The following PREPL variants were observed in gnomAD, a reference collection of about 807,000 sequenced individuals.
PREPL encodes prolyl endopeptidase-like.
A neutral mutation model predicts 70.6 loss-of-function variants in PREPL; 77 were observed. The observed-to-expected ratio is 1.09, with a 90% CI of 0.91 to 1.32. The LOEUF is 1.32. Among genes scored for constraint, PREPL ranks in the 40% most tolerant of loss-of-function variants. PREPL has a pLI of 0.00. For synonymous variants in PREPL, 315 were observed against 264.8 expected, an observed-to-expected ratio of 1.19 and a Z score of -1.84; for missense variants, 1,002 against 778.2, an observed-to-expected ratio of 1.29 and a Z score of -3.42.
chr2:44,343,824 A>C lies in PREPL; in HGVS notation c.270T>G (p.Ser90=). The change falls in exon 4 of 14, where the codon TCT becomes TCG. Residue 90 remains serine, a synonymous_variant. Coordinates refer to ENST00000409411, the MANE Select transcript of PREPL (RefSeq NM_001171613.2). ...TTATAATTACACAGGTAGATGCTTC[A>C]GAATCTTCAGTTCTTATCTTGGCAG... is the stretch of plus-strand genomic sequence containing the variant. ...YVAAKIRTED[S]EASTCVIIKL... The C allele has an allele frequency of 5.6e-6, 9 of 1,613,992 alleles. No homozygotes were observed. Among genetic ancestry groups the C allele is most frequent in the Non-Finnish European group, 6.8e-6 (8 of 1,179,842 alleles).
At chr2:44,359,323 GTA>G (rs1677404663) in intron 1 of PREPL, among the ~76,000 whole-genome samples, 1 of 151,946 alleles carries the variant, frequency 6.6e-6, no homozygotes, top group Non-Finnish European at 1.5e-5. Context: ...CTGCCTCGAT[GTA>G]TATACTCTTT....
In PREPL at chr2:44,320,675, A is replaced by C. The variant is rs1672859562; in HGVS notation, c.*681T>G. ...GAAGAGATGAAGACACTGGCATTTCAGTGGGATTGTAAGCATTTGTAATAG... is the reference window on the plus strand; with the variant it reads ...GAAGAGATGAAGACACTGGCATTTCCGTGGGATTGTAAGCATTTGTAATAG... On this transcript the variant is annotated 3_prime_UTR_variant, in exon 14 of 14. Transcript: ENST00000409411. 5 of 1,528,726 alleles carry C rather than the reference A, an allele frequency of 3.3e-6. No individual in the cohort carries two copies. The South Asian group carries it at 5.6e-5, about 17-fold the overall frequency. The allele number at this position is 1,528,726 out of a possible 1,614,324, so 94.7% of individuals were successfully genotyped here.
At chr2:44,338,640 T>G in intron 6 of PREPL, 104 bp from the exon 7 acceptor site, 1 of 944,140 alleles carries the variant, frequency 1.1e-6, no homozygotes, top group Non-Finnish European at 1.6e-6. Flanking sequence ...CCTCACTGTT[T>G]TATGAAGAGC....
intron 8 of PREPL, among the ~76,000 whole-genome samples, chr2:44,331,295 A>G (rs184684800): frequency 0.012 from 1,891 of 151,784 alleles, 24 homozygotes; most frequent in Non-Finnish European, 0.019. Context: ...GCTCACTGCA[A>G]CCTCTGCCTC....
At chr2:44,331,731 T>C (rs1674114173) in intron 8 of PREPL, among the ~76,000 whole-genome samples, 1 of 152,158 alleles carries the variant, frequency 6.6e-6, no homozygotes. Context: ...AGTCAGTACA[T>C]TATTAATGAC....
chr2:44,356,556 CAA>C (rs1677068642), intron 1 of PREPL, among the ~76,000 whole-genome samples: 2 of 150,374 alleles, frequency 1.3e-5, no homozygotes, highest in Non-Finnish European at 2.9e-5. Context: ...AACAAACAAA[CAA>C]ACAAACAAAC....
chr2:44,345,832 T>G (rs1013630696), intron 2 of PREPL, among the ~76,000 whole-genome samples: 1 of 152,132 alleles, frequency 6.6e-6, no homozygotes, highest in Non-Finnish European at 1.5e-5. Flanking sequence ...AACTTCTCCT[T>G]AGAATGATTA....
In PREPL at chr2:44,320,168, CACTT is replaced by C. The variant is rs745463872; in HGVS notation, c.*1184_*1187del. The C allele has an allele frequency of 1.4e-5, 21 of 1,530,044 alleles. No individual in the cohort carries two copies. Among genetic ancestry groups the C allele is most frequent in the Admixed American group, 3.4e-5 (2 of 59,114 alleles). 94.8% of individuals were successfully genotyped at this position (1,530,044 alleles called of 1,614,324 possible). A position where few individuals can be genotyped will look rare whatever the true frequency, so the allele number is the denominator to read the frequency against. On this transcript the variant is annotated 3_prime_UTR_variant, in exon 14 of 14. Coordinates refer to ENST00000409411, the MANE Select transcript of PREPL (RefSeq NM_001171613.2). ...CTTACAAACAATTCTTAGAATCAAA[CACTT>C]ACGTAAATACTTTTTTAAAAAAATA...
At chr2:44,350,965 C>T (rs1572558051) in intron 1 of PREPL, among the ~76,000 whole-genome samples, 1 of 150,226 alleles carries the variant, frequency 6.7e-6, no homozygotes. Flanking sequence ...AACTCCCTGG[C>T]TTTTTTTTTG....
At chr2:44,355,620 C>T (rs1676946674) in intron 1 of PREPL, among the ~76,000 whole-genome samples, 1 of 152,086 alleles carries the variant, frequency 6.6e-6, no homozygotes, top group South Asian at 2.1e-4. Context: ...TTCCTACTTC[C>T]AATTTATTCT....
At chr2:44,321,549 G>C in intron 13 of PREPL, 104 bp from the exon 14 acceptor site, 1 of 1,510,484 alleles carries the variant, frequency 6.6e-7, no homozygotes, top group Admixed American at 2.4e-5. Context: ...CGTGAAGTCA[G>C]CAATTTATGG....
chr2:44,333,108 C>T (rs983620060), intron 7 of PREPL, among the ~76,000 whole-genome samples: 3 of 152,198 alleles, frequency 2.0e-5, no homozygotes, highest in Non-Finnish European at 2.9e-5. Context: ...GCTGCCTGGA[C>T]AGCCACAGTG....
At chr2:44,343,638 A>G in intron 4 of PREPL, 107 bp downstream of exon 4, 1 of 961,606 alleles carries the variant, frequency 1.0e-6, no homozygotes, top group Non-Finnish European at 1.6e-6. Context: ...ATAGGGATAC[A>G]TGAATCAGGC....
At chr2:44,326,241 G>T (rs1180875666) in intron 10 of PREPL, among the ~76,000 whole-genome samples, 1 of 152,152 alleles carries the variant, frequency 6.6e-6, no homozygotes, top group African/African-American at 2.4e-5. Context: ...AAAGAACACT[G>T]TATCAGAGAA....
chr2:44,320,720 C>CATGAAGCTA lies in PREPL; in HGVS notation c.*635_*636insTAGCTTCAT. The CATGAAGCTA allele has an allele frequency of 1.9e-6, 2 of 1,058,914 alleles. No homozygotes were observed. The highest frequency in any genetic ancestry group is 2.9e-6 in the Non-Finnish European group (2 of 679,608). 65.6% of individuals were successfully genotyped at this position (1,058,914 alleles called of 1,614,324 possible). On this transcript the variant is annotated 3_prime_UTR_variant, in exon 14 of 14. Coordinates refer to ENST00000409411, the MANE Select transcript of PREPL (RefSeq NM_001171613.2). Reference sequence around the variant, plus strand: ...TAATAGCTTCATGTACAGCATGCTGCTTGGTGAACAATCATTAATTCTTCG... The same window carrying CATGAAGCTA: ...TAATAGCTTCATGTACAGCATGCTGCATGAAGCTATTGGTGAACAATCATTAATTCTTCG...
chr2:44,330,394 C>T (rs972945582), intron 8 of PREPL, among the ~76,000 whole-genome samples: 1 of 152,146 alleles, frequency 6.6e-6, no homozygotes, highest in African/African-American at 2.4e-5. Flanking sequence ...CTGTTCTTTC[C>T]ATCTCGGGTC....
At chr2:44,339,469 G>A (rs931776384) in intron 5 of PREPL, 106 bp from the exon 6 acceptor site, 1 of 1,428,862 alleles carries the variant, frequency 7.0e-7, no homozygotes, top group African/African-American at 1.4e-5. Context: ...GATTTATAAT[G>A]CAGATAGGAA....
At chr2:44,324,313 G>C (rs1558485556) in intron 10 of PREPL, among the ~76,000 whole-genome samples, 1 of 152,086 alleles carries the variant, frequency 6.6e-6, no homozygotes, top group African/African-American at 2.4e-5. Context: ...TGAAAAACGA[G>C]TTCTGGAGAT....
chr2:44,346,594 G>T (rs1441762392), intron 1 of PREPL, among the ~76,000 whole-genome samples: 1 of 152,146 alleles, frequency 6.6e-6, no homozygotes, highest in East Asian at 1.9e-4. Flanking sequence ...AGTAAACAAA[G>T]TAAGATAGAC....
Sources: allele counts gnomAD v4.1 joint callset (sites outside exome capture counted in the v4.1 genomes callset), GRCh38; gene constraint gnomAD v4.1.1; transcripts MANE v1.5; gene names NCBI Gene and HGNC (gene_info 2026-07-23, HGNC 2026-07-21).